MYLK4: variants seen among roughly 807,000 people sequenced by gnomAD.
MYLK4 encodes caMLCK like.
Under a neutral mutation model 48.1 loss-of-function variants are expected in MYLK4, and 46 were observed. That is an observed-to-expected ratio of 0.96 (90% CI 0.75 to 1.22). The LOEUF is 1.22. Ranked by LOEUF, MYLK4 falls within the 50% of genes most tolerant of loss-of-function variation. The pLI is 0.00. For missense variants in MYLK4, 451 were observed against 486.1 expected (o/e 0.93, Z 0.68); for synonymous variants, 170 against 180.8 (o/e 0.94, Z 0.48).
At position 2,667,486 on chromosome 6, in the gene MYLK4, G is replaced by C. The variant is rs1760703826; in HGVS notation, c.*439C>G. 1 of 152,204 alleles carries C rather than the reference G, an allele frequency of 6.6e-6. No homozygotes were observed. Among genetic ancestry groups the C allele is most frequent in the Non-Finnish European group, 1.5e-5 (1 of 68,026 alleles). The allele number at this position is 152,204 out of a possible 1,614,324, so 9.4% of individuals were successfully genotyped here. ...TCTAATTGCCCCTTCCAAAGGCATA[G>C]TCTAATGGCTGGAAGTAGCTTTCTC... On this transcript the variant is annotated 3_prime_UTR_variant, in exon 13 of 13. Transcript: ENST00000274643.
At chr6:2,768,132 C>T in the MYLK4 span, among the ~76,000 whole-genome samples, 3 of 152,212 alleles carry the variant, frequency 2.0e-5, no homozygotes, top group African/African-American at 7.2e-5. Context: ...CACAGTGCTG[C>T]CCTTCATCTC....
the MYLK4 span, chr6:2,768,703 C>G: frequency 5.6e-6 from 9 of 1,609,754 alleles, no homozygotes. Context: ...CACTCTGGCT[C>G]ACATCATAGC....
At position 2,667,264 on chromosome 6, in the gene MYLK4, G is replaced by A. The variant is rs1210343558; in HGVS notation, c.*661C>T. 3 of 152,174 alleles carry A rather than the reference G, an allele frequency of 2.0e-5. No homozygotes were observed. The highest frequency in any genetic ancestry group is 4.4e-5 in the Non-Finnish European group (3 of 68,038). The allele number at this position is 152,174 out of a possible 1,614,324, so 9.4% of individuals were successfully genotyped here. ...CAGAATCAGCTACATGGAAGAAAAC[G>A]CACGCTGGGGACAATTCAGAATAAA... On this transcript the variant is annotated 3_prime_UTR_variant, in exon 13 of 13. Transcript: ENST00000274643.
intron 2 of MYLK4, among the ~76,000 whole-genome samples, chr6:2,697,104 G>T (rs972090093): frequency 2.6e-5 from 4 of 152,264 alleles, no homozygotes; most frequent in East Asian, 3.9e-4. Context: ...TGCATGTAGT[G>T]GTTATCAATG....
rs991263015 is a variant in MYLK4, at chr6:2,750,757, G to T, written c.-134C>A. The T allele has an allele frequency of 2.0e-5, 3 of 152,298 alleles. No homozygotes were observed. Among genetic ancestry groups the T allele is most frequent in the African/African-American group, 7.2e-5 (3 of 41,458 alleles). 9.4% of individuals were successfully genotyped at this position (152,298 alleles called of 1,614,324 possible). A position where few individuals can be genotyped will look rare whatever the true frequency, so the allele number is the denominator to read the frequency against. On this transcript the variant is annotated 5_prime_UTR_variant, in exon 1 of 13. Coordinates refer to ENST00000274643, the MANE Select transcript of MYLK4 (RefSeq NM_001012418.5). ...TTACCATTGATAGGATCACATCGAA[G>T]AGCTTGAGCCACTCCAAGTCTAGAG... is the stretch of plus-strand genomic sequence containing the variant.
chr6:2,718,480 C>T (rs1056828078), intron 2 of MYLK4, among the ~76,000 whole-genome samples: 3 of 152,148 alleles, frequency 2.0e-5, no homozygotes. Flanking sequence ...AAAAACCTTT[C>T]AAGGAAAACT....
chr6:2,757,524 G>A, the MYLK4 span, among the ~76,000 whole-genome samples: 1 of 151,388 alleles, frequency 6.6e-6, no homozygotes, highest in Non-Finnish European at 1.5e-5. Context: ...TATCTCTGAA[G>A]ATATCATCAT....
intron 3 of MYLK4, among the ~76,000 whole-genome samples, chr6:2,689,542 A>G (rs1348045487): frequency 6.6e-6 from 1 of 152,236 alleles, no homozygotes; most frequent in African/African-American, 2.4e-5. Context: ...TGTATTCAAC[A>G]GAGATCAAAT....
At chr6:2,735,572 C>G (rs896113950) in intron 2 of MYLK4, among the ~76,000 whole-genome samples, 1 of 152,146 alleles carries the variant, frequency 6.6e-6, no homozygotes, top group Non-Finnish European at 1.5e-5. Flanking sequence ...ATGGACATGT[C>G]TCATGTGAAG....
At chr6:2,763,118 C>T in the MYLK4 span, among the ~76,000 whole-genome samples, 4 of 152,082 alleles carry the variant, frequency 2.6e-5, no homozygotes, top group Non-Finnish European at 4.4e-5. Context: ...GTCTGTTTTA[C>T]GGAGAGCTGA....
the MYLK4 span, among the ~76,000 whole-genome samples, chr6:2,763,378 G>A: frequency 0.012 from 1,859 of 152,348 alleles, 29 homozygotes; most frequent in South Asian, 0.062. Flanking sequence ...TGGGTGCCGT[G>A]AGGCAGTAAG....
intron 10 of MYLK4, among the ~76,000 whole-genome samples, chr6:2,676,686 A>G (rs1383087194): frequency 6.6e-6 from 1 of 152,192 alleles, no homozygotes; most frequent in Non-Finnish European, 1.5e-5. Flanking sequence ...CTCCTTGGGC[A>G]TTCATGAAGC....
intron 2 of MYLK4, among the ~76,000 whole-genome samples, chr6:2,696,356 C>G (rs1326024983): frequency 1.1e-4 from 17 of 152,198 alleles, no homozygotes; most frequent in Admixed American, 1.1e-3. Flanking sequence ...TATACGCACA[C>G]AAATTCATAT....
intron 2 of MYLK4, among the ~76,000 whole-genome samples, chr6:2,727,279 G>GT (rs1191198071): frequency 6.6e-6 from 1 of 152,190 alleles, no homozygotes; most frequent in East Asian, 1.9e-4. Flanking sequence ...TTCCACTACT[G>GT]TAAGATTCTG....
the MYLK4 span, among the ~76,000 whole-genome samples, chr6:2,762,992 A>G: frequency 6.6e-6 from 1 of 152,218 alleles, no homozygotes; most frequent in African/African-American, 2.4e-5. Flanking sequence ...AAACACCCAC[A>G]CAAGCAAAAG....
intron 2 of MYLK4, among the ~76,000 whole-genome samples, chr6:2,715,285 G>A (rs1762828182): frequency 6.6e-6 from 1 of 150,962 alleles, no homozygotes; most frequent in African/African-American, 2.4e-5. Context: ...TGGGTACAGA[G>A]TTGCAGTTTT....
chr6:2,731,015 T>C (rs1005245432), intron 2 of MYLK4, among the ~76,000 whole-genome samples: 2 of 152,268 alleles, frequency 1.3e-5, no homozygotes, highest in South Asian at 4.1e-4. Context: ...AAAGACCTTT[T>C]CTTACAGAAA....
chr6:2,744,461 C>T (rs974329674), intron 2 of MYLK4, among the ~76,000 whole-genome samples: 5 of 152,166 alleles, frequency 3.3e-5, no homozygotes, highest in Admixed American at 6.5e-5. Flanking sequence ...CGAAATGCAA[C>T]TTGAAAAATC....
At chr6:2,725,873 T>C (rs961164280) in intron 2 of MYLK4, among the ~76,000 whole-genome samples, 1 of 152,218 alleles carries the variant, frequency 6.6e-6, no homozygotes, top group Admixed American at 6.5e-5. Flanking sequence ...TCACTCAGCC[T>C]TCTGTGATAT....
Sources: gnomAD v4.1 joint callset for allele counts (sites outside exome capture counted in the v4.1 genomes callset) on GRCh38, gnomAD v4.1.1 for gene constraint, MANE v1.5 for transcripts, NCBI Gene and HGNC (gene_info 2026-07-23, HGNC 2026-07-21) for gene names.